Variants in CCDC141 observed in about 807,000 individuals in gnomAD.
The protein encoded by CCDC141 is coiled-coil domain containing 141, also known as coiled-coil domain-containing protein 141.
In CCDC141, 168 loss-of-function variants were observed where a neutral mutation model predicts 181.0. The ratio of observed to expected loss-of-function variants is 0.93; its 90% CI spans 0.82 to 1.05. CCDC141 has a LOEUF of 1.05. CCDC141 is among the 50% of genes least tolerant of loss of function. The probability of loss-of-function intolerance (pLI) is 0.00; values close to 1 mark genes in which losing one functional copy is unlikely to be tolerated. For synonymous variants in CCDC141, 666 were observed against 642.3 expected (o/e 1.04, Z -0.56); for missense variants, 1,902 against 1,788.5 (o/e 1.06, Z -1.14).
intron 2 of CCDC141, among the ~76,000 whole-genome samples, chr2:179,028,634 G>A (rs373641848): frequency 6.6e-6 from 1 of 152,028 alleles, no homozygotes; most frequent in Non-Finnish European, 1.5e-5. Flanking sequence ...AGGATTTAAG[G>A]TTTGGGATTA....
At position 178,956,718 on chromosome 2, in the gene CCDC141, C is replaced by T. The variant is rs530587193; in HGVS notation, c.780+4512G>A. Among the ~76,000 whole-genome samples, 29 of 152,234 alleles carry T rather than the reference C, an allele frequency of 1.9e-4. No individual in the cohort carries two copies. In the South Asian group the frequency reaches 5.6e-3, roughly 29 times the overall value. ...ATTTTTGTTCAAGTGCTGTTAGGAA[C>T]GGAATCTAAATGACAGCCTCATTCC... On this transcript the variant is annotated intron_variant, in intron 5 of 23. Coordinates refer to ENST00000443758, the MANE Select transcript of CCDC141 (RefSeq NM_173648.4).
chr2:178,944,206 A>G (rs1689635234), intron 6 of CCDC141, among the ~76,000 whole-genome samples: 1 of 152,182 alleles, frequency 6.6e-6, no homozygotes, highest in African/African-American at 2.4e-5. Context: ...GTTTTGATGC[A>G]TAAAATGGAG....
At chr2:179,015,973 T>TCTCATATATATCATATATATAC (rs2042528020) in intron 2 of CCDC141, among the ~76,000 whole-genome samples, 1 of 148,030 alleles carries the variant, frequency 6.8e-6, no homozygotes, top group Non-Finnish European at 1.5e-5. Context: ...CATATATATA[T>TCTCATATATATCATATATATAC]CTCATATATG....
chr2:178,960,569 T>C (rs1690353393), intron 5 of CCDC141, among the ~76,000 whole-genome samples: 1 of 152,068 alleles, frequency 6.6e-6, no homozygotes, highest in African/African-American at 2.4e-5. Flanking sequence ...TCTCACTTAT[T>C]TGAGTTGGGG....
At chr2:178,819,622 C>T in the CCDC141 span, among the ~76,000 whole-genome samples, 1,787 of 152,150 alleles carry the variant, frequency 0.012, 50 homozygotes, top group African/African-American at 0.04. Context: ...GGATATTTGA[C>T]AATATTTGGA....
chr2:178,869,081 A>T, intron 15 of CCDC141, 36 bp downstream of exon 15: 1 of 1,431,536 alleles, frequency 7.0e-7, no homozygotes, highest in Non-Finnish European at 9.3e-7. Flanking sequence ...ATAGTTTAAA[A>T]CTCAGGATTT....
chr2:178,994,961 T>A (rs1320695712), intron 2 of CCDC141, among the ~76,000 whole-genome samples: 1 of 152,210 alleles, frequency 6.6e-6, no homozygotes, highest in African/African-American at 2.4e-5. Flanking sequence ...GACTTTACTG[T>A]CCATATCTCT....
intron 2 of CCDC141, among the ~76,000 whole-genome samples, chr2:178,984,962 G>C (rs1411756264): frequency 4.0e-5 from 6 of 149,638 alleles, no homozygotes; most frequent in African/African-American, 1.5e-4. Flanking sequence ...TGCACCAAGC[G>C]GACCTAATAG....
chr2:178,973,939 C>T (rs1398211955), intron 4 of CCDC141, among the ~76,000 whole-genome samples: 1 of 152,154 alleles, frequency 6.6e-6, no homozygotes, highest in Non-Finnish European at 1.5e-5. Flanking sequence ...GCAACTGTTG[C>T]TTTAAAGCAC....
chr2:178,877,405 G>A (rs949261979), intron 12 of CCDC141: 1 of 152,214 alleles, frequency 6.6e-6, no homozygotes. Flanking sequence ...AAATACTTGA[G>A]GTATTGAAAG....
intron 6 of CCDC141, among the ~76,000 whole-genome samples, chr2:178,921,919 G>A (rs1288467116): frequency 6.6e-6 from 1 of 152,118 alleles, no homozygotes; most frequent in Non-Finnish European, 1.5e-5. Context: ...CTCAGGTGGA[G>A]AAATAATGTG....
In CCDC141 at chr2:178,837,258, C is replaced by T; in HGVS notation, c.3961G>A (p.Glu1321Lys). 1.2e-6 allele frequency: 2 copies of T among 1,614,110 alleles called. No homozygotes were observed. The highest frequency in any genetic ancestry group is 1.3e-5 in the African/African-American group (1 of 75,058). Reference protein sequence around the residue: ...ALHRISAEHPESMMSEVHERA... With the variant: ...ALHRISAEHPKSMMSEVHERA... The stretch of plus-strand genomic sequence containing the variant: ...TCATGCACTTCACTCATCATGCTCT[C>T]TGGATGTTCAGCACTGATTCTGTGT... The change falls in exon 23 of 24, where the codon GAG (glutamate) becomes AAG (lysine). Residue 1321 changes from glutamate (E) to lysine (K), a missense_variant. Transcript: ENST00000443758.
At chr2:178,888,707 A>G in intron 8 of CCDC141, 39 bp from the exon 9 acceptor site, 1 of 1,547,592 alleles carries the variant, frequency 6.5e-7, no homozygotes, top group Non-Finnish European at 8.7e-7. Context: ...ACTCCACCCC[A>G]ATATAGAACA....
chr2:178,846,750 C>T (rs934608177), intron 21 of CCDC141, among the ~76,000 whole-genome samples: 3 of 152,140 alleles, frequency 2.0e-5, no homozygotes, highest in African/African-American at 4.8e-5. Context: ...AGCACTCTTA[C>T]CCTCTTTGGA....
At chr2:178,973,296 T>C (rs530791878) in intron 4 of CCDC141, among the ~76,000 whole-genome samples, 105 of 152,292 alleles carry the variant, frequency 6.9e-4, no homozygotes, top group African/African-American at 2.5e-3. Context: ...TTCTCTGTCA[T>C]CTCTGTGCTT....
At chr2:178,920,715 C>T (rs1688651720) in intron 6 of CCDC141, among the ~76,000 whole-genome samples, 1 of 151,944 alleles carries the variant, frequency 6.6e-6, no homozygotes, top group Non-Finnish European at 1.5e-5. Context: ...CACACACACA[C>T]ACACACACAC....
At position 179,003,917 on chromosome 2, in the gene CCDC141, A is replaced by G. The variant is rs2042053105; in HGVS notation, c.226-25242T>C. ...CATTCATTTTGTTCTTAAACTTCAT[A>G]CTCATTCTCTATGATGAAATGATTT... On this transcript the variant is annotated intron_variant, in intron 2 of 23. Coordinates refer to ENST00000443758, the MANE Select transcript of CCDC141 (RefSeq NM_173648.4). 1.3e-5 allele frequency among the ~76,000 whole-genome samples: 2 copies of G among 152,156 alleles called. 1 individual carries two copies. Among genetic ancestry groups the G allele is most frequent in the South Asian group, 4.2e-4 (2 of 4,816 alleles).
chr2:178,931,341 A>G (rs1689087812), intron 6 of CCDC141, among the ~76,000 whole-genome samples: 1 of 152,194 alleles, frequency 6.6e-6, no homozygotes, highest in African/African-American at 2.4e-5. Context: ...AAAGAATTGA[A>G]AAGAGGTATT....
intron 22 of CCDC141, among the ~76,000 whole-genome samples, chr2:178,842,016 C>T (rs758683738): frequency 2.6e-5 from 4 of 152,140 alleles, no homozygotes; most frequent in Non-Finnish European, 5.9e-5. Flanking sequence ...CAAACATTTA[C>T]ATATACTAAT....
Sources: allele counts gnomAD v4.1 joint callset (sites outside exome capture counted in the v4.1 genomes callset), GRCh38; gene constraint gnomAD v4.1.1; transcripts MANE v1.5; gene names NCBI Gene and HGNC (gene_info 2026-07-23, HGNC 2026-07-21).